ATXN7L3B: variants seen among roughly 807,000 people sequenced by gnomAD.
ATXN7L3B encodes the protein ataxin-7-like protein 3B.
In ATXN7L3B, 4 loss-of-function variants were observed where a neutral mutation model predicts 6.3. The observed-to-expected ratio is 0.63, with a 90% CI of 0.31 to 1.45. ATXN7L3B has a LOEUF of 1.45. Ranked by LOEUF, ATXN7L3B falls within the 40% of genes most tolerant of loss-of-function variation. ATXN7L3B has a pLI of 0.07. For missense variants in ATXN7L3B, 120 were observed against 118.5 expected, an observed-to-expected ratio of 1.01 and a Z score of -0.06; for synonymous variants, 63 against 48.0, an observed-to-expected ratio of 1.31 and a Z score of -1.29.
At position 74,538,301 on chromosome 12, in the gene ATXN7L3B, A is replaced by C; in HGVS notation, c.189A>C (p.Pro63=). 6.4e-7 allele frequency: 1 copy of C among 1,557,770 alleles called. No homozygotes were observed. Among genetic ancestry groups the C allele is most frequent in the Non-Finnish European group, 8.7e-7 (1 of 1,150,652 alleles). Residue 63 remains proline, a synonymous_variant, in exon 1 of 1, where the codon CCA becomes CCC. Coordinates refer to ENST00000519948, the MANE Select transcript of ATXN7L3B (RefSeq NM_001136262.2). ...TGSVKDFGIQ[P]VEDKGACRLP... is the part of the protein sequence containing the mutation. The stretch of plus-strand genomic sequence containing the variant: ...GCGTGAAGGATTTTGGCATTCAGCC[A>C]GTGGAAGACAAAGGAGCGTGCCGCC...
rs946498355 is a variant in ATXN7L3B at position 74,541,589 on chromosome 12, A to G, written c.*3183A>G. The G allele has an allele frequency of 3.3e-5, 5 of 152,402 alleles. No homozygotes were observed. The highest frequency in any genetic ancestry group is 7.3e-5 in the Non-Finnish European group (5 of 68,028). 9.4% of individuals were successfully genotyped at this position (152,402 alleles called of 1,614,324 possible). ...ACAGGAGTTTTATCAGAACAGAGAAACTGTCCAACCTTGTTTCTCAATTTG... is the reference window on the plus strand; with the variant it reads ...ACAGGAGTTTTATCAGAACAGAGAAGCTGTCCAACCTTGTTTCTCAATTTG... On this transcript the variant is annotated 3_prime_UTR_variant, in exon 1 of 1. Coordinates refer to ENST00000519948, the MANE Select transcript of ATXN7L3B (RefSeq NM_001136262.2).
At position 74,541,165 on chromosome 12, in the gene ATXN7L3B, A is replaced by G. The variant is rs1398826570; in HGVS notation, c.*2759A>G. On this transcript the variant is annotated 3_prime_UTR_variant, in exon 1 of 1. Transcript: ENST00000519948. ...GTGTGTATGTGTGTGTTATGGGGGA[A>G]GGGGGGGGTTCTTTAAAATTTCTGT... The G allele has an allele frequency of 6.0e-6, 1 of 165,898 alleles. No individual in the cohort carries two copies. The highest frequency in any genetic ancestry group is 1.5e-5 in the Non-Finnish European group (1 of 68,336). 10.3% of individuals were successfully genotyped at this position (165,898 alleles called of 1,614,324 possible). A position where few individuals can be genotyped will look rare whatever the true frequency, so the allele number is the denominator to read the frequency against.
At position 74,542,933 on chromosome 12, in the gene ATXN7L3B, A is replaced by C. The variant is rs1157297543; in HGVS notation, c.*4527A>C. On this transcript the variant is annotated 3_prime_UTR_variant, in exon 1 of 1. Coordinates refer to ENST00000519948, the MANE Select transcript of ATXN7L3B (RefSeq NM_001136262.2). ...AATTGCCAGTTTTCAAGTCAGCCAG[A>C]GATAATACCAGATTTCAGAAGTTTT... 6.6e-6 allele frequency: 1 copy of C among 152,164 alleles called. No individual in the cohort carries two copies. The highest frequency in any genetic ancestry group is 1.5e-5 in the Non-Finnish European group (1 of 67,992). The allele number at this position is 152,164 out of a possible 1,614,324, so 9.4% of individuals were successfully genotyped here.
Position 74,540,366 on chromosome 12 carries a change from G to T in ATXN7L3B, c.*1960G>T, listed in dbSNP as rs1432160231. The stretch of plus-strand genomic sequence containing the variant: ...GATTGACACACAGGGGGATGGAGTT[G>T]GTCCTTGTCCATTCTCTCACCCTTG... On this transcript the variant is annotated 3_prime_UTR_variant, in exon 1 of 1. Transcript: ENST00000519948. The T allele has an allele frequency of 1.2e-5, 2 of 167,060 alleles. No individual in the cohort carries two copies. The highest frequency in any genetic ancestry group is 2.9e-5 in the Non-Finnish European group (2 of 68,150). 10.3% of individuals were successfully genotyped at this position (167,060 alleles called of 1,614,324 possible).
chr12:74,542,245 T>C lies in ATXN7L3B; in HGVS notation c.*3839T>C, dbSNP rs1203255378. On this transcript the variant is annotated 3_prime_UTR_variant, in exon 1 of 1. Coordinates refer to ENST00000519948, the MANE Select transcript of ATXN7L3B (RefSeq NM_001136262.2). Reference sequence around the variant, plus strand: ...TGGTGATTTGAGAAAACTTAAAAATTTGACGTGTGAAACCCATGATGTAAC... The same window carrying C: ...TGGTGATTTGAGAAAACTTAAAAATCTGACGTGTGAAACCCATGATGTAAC... The C allele has an allele frequency of 6.6e-6, 1 of 152,158 alleles. No homozygotes were observed. The highest frequency in any genetic ancestry group is 1.5e-5 in the Non-Finnish European group (1 of 68,016). 9.4% of individuals were successfully genotyped at this position (152,158 alleles called of 1,614,324 possible). A position where few individuals can be genotyped will look rare whatever the true frequency, so the allele number is the denominator to read the frequency against.
rs1283639865 is a variant in ATXN7L3B, at chr12:74,543,398, C to T, written c.*4992C>T. Reference sequence around the variant, plus strand: ...ATGAAAAATCCATGATGCTTATGAACAACGTTAGGGCAATGAATTTGAAAA... The same window carrying T: ...ATGAAAAATCCATGATGCTTATGAATAACGTTAGGGCAATGAATTTGAAAA... On this transcript the variant is annotated 3_prime_UTR_variant, in exon 1 of 1. Coordinates refer to ENST00000519948, the MANE Select transcript of ATXN7L3B (RefSeq NM_001136262.2). 8 of 151,864 alleles carry T rather than the reference C, an allele frequency of 5.3e-5. No individual in the cohort carries two copies. The highest frequency in any genetic ancestry group is 5.2e-4 in the Admixed American group (8 of 15,256). 9.4% of individuals were successfully genotyped at this position (151,864 alleles called of 1,614,324 possible). A position where few individuals can be genotyped will look rare whatever the true frequency, so the allele number is the denominator to read the frequency against.
rs1868918696 is a variant in ATXN7L3B, at chr12:74,542,286, T to G, written c.*3880T>G. 1 of 152,190 alleles carries G rather than the reference T, an allele frequency of 6.6e-6. No individual in the cohort carries two copies. The highest frequency in any genetic ancestry group is 2.4e-5 in the African/African-American group (1 of 41,454). 9.4% of individuals were successfully genotyped at this position (152,190 alleles called of 1,614,324 possible). ...ATGATGTAACCATAGCAGGAGAAAT[T>G]CTTCAAATGAAATTTCACCAAGATT... On this transcript the variant is annotated 3_prime_UTR_variant, in exon 1 of 1. Transcript: ENST00000519948.
Position 74,537,874 on chromosome 12 carries a change from TCCTGGG to T in ATXN7L3B, c.-236_-231del. On this transcript the variant is annotated 5_prime_UTR_variant, in exon 1 of 1. Transcript: ENST00000519948. ...GGCGCTGAGACGGTTTGGCGGTGAG[TCCTGGG>T]CCAGGCGCAGCTGAAAGGCCCGCAA... 1 of 535,970 alleles carries T rather than the reference TCCTGGG, an allele frequency of 1.9e-6. No individual in the cohort carries two copies. The highest frequency in any genetic ancestry group is 3.2e-5 in the East Asian group (1 of 30,830). 33.2% of individuals were successfully genotyped at this position (535,970 alleles called of 1,614,324 possible).
chr12:74,545,248 A>G lies in ATXN7L3B; in HGVS notation c.*6842A>G, dbSNP rs1445795483. The G allele has an allele frequency of 6.6e-6, 1 of 152,240 alleles. No homozygotes were observed. Among genetic ancestry groups the G allele is most frequent in the Non-Finnish European group, 1.5e-5 (1 of 67,944 alleles). 9.4% of individuals were successfully genotyped at this position (152,240 alleles called of 1,614,324 possible). On this transcript the variant is annotated 3_prime_UTR_variant, in exon 1 of 1. Transcript: ENST00000519948. Reference sequence around the variant, plus strand: ...GGGAAAAATTGAAAGTAATATACCCATTTGGAATACATATAGTCACTATAC... The same window carrying G: ...GGGAAAAATTGAAAGTAATATACCCGTTTGGAATACATATAGTCACTATAC...
At position 74,545,341 on chromosome 12, in the gene ATXN7L3B, G is replaced by A. The variant is rs993795855; in HGVS notation, c.*6935G>A. The A allele has an allele frequency of 3.9e-5, 6 of 152,006 alleles. No individual in the cohort carries two copies. The highest frequency in any genetic ancestry group is 1.4e-4 in the African/African-American group (6 of 41,422). The allele number at this position is 152,006 out of a possible 1,614,324, so 9.4% of individuals were successfully genotyped here. On this transcript the variant is annotated 3_prime_UTR_variant, in exon 1 of 1. Coordinates refer to ENST00000519948, the MANE Select transcript of ATXN7L3B (RefSeq NM_001136262.2). ...TAAACCTATGTTCTTATACTTTGTT[G>A]CCTTTCTTTTGATGTTTAACAATAG...
Position 74,538,159 on chromosome 12 carries a change from C to A in ATXN7L3B, c.47C>A (p.Ala16Asp). 6.3e-7 allele frequency: 1 copy of A among 1,583,068 alleles called. No homozygotes were observed. Among genetic ancestry groups the A allele is most frequent in the South Asian group, 1.2e-5 (1 of 86,472 alleles). ...LANLDTNKLE[A>D]IAQEIYVDLI... ...AACCTGGATACTAACAAGCTAGAGG[C>A]CATCGCTCAGGAGATTTACGTAGAC... Residue 16 changes from alanine to aspartate, a missense_variant, in exon 1 of 1, where the codon GCC becomes GAC. Ala to Asp is a moderately radical substitution (Grantham distance 126). Transcript: ENST00000519948.
rs1868969701 is a variant in ATXN7L3B at position 74,544,278 on chromosome 12, G to A, written c.*5872G>A. ...AATCCCAAGTAAATGGAGAGAAGATGTTCACGCACAGAAAATGCAATCAAT... is the reference window on the plus strand; with the variant it reads ...AATCCCAAGTAAATGGAGAGAAGATATTCACGCACAGAAAATGCAATCAAT... On this transcript the variant is annotated 3_prime_UTR_variant, in exon 1 of 1. Transcript: ENST00000519948. The A allele has an allele frequency of 6.7e-6, 1 of 148,470 alleles. No homozygotes were observed. The highest frequency in any genetic ancestry group is 2.5e-5 in the African/African-American group (1 of 40,328). The allele number at this position is 148,470 out of a possible 1,614,324, so 9.2% of individuals were successfully genotyped here.
At position 74,540,353 on chromosome 12, in the gene ATXN7L3B, G is replaced by C. The variant is rs191637973; in HGVS notation, c.*1947G>C. ...AGCAGTAAAGGCTGATTGACACACA[G>C]GGGGATGGAGTTGGTCCTTGTCCAT... On this transcript the variant is annotated 3_prime_UTR_variant, in exon 1 of 1. Transcript: ENST00000519948. 9.0e-3 allele frequency: 1,507 copies of C among 167,176 alleles called. 43 individuals are homozygous for C. The highest frequency in any genetic ancestry group is 6.8e-3 in the Non-Finnish European group (466 of 68,134). 10.4% of individuals were successfully genotyped at this position (167,176 alleles called of 1,614,324 possible). A position where few individuals can be genotyped will look rare whatever the true frequency, so the allele number is the denominator to read the frequency against.
rs1565676141 is a variant in ATXN7L3B, at chr12:74,539,719, C to T, written c.*1313C>T. 3 of 167,084 alleles carry T rather than the reference C, an allele frequency of 1.8e-5. No homozygotes were observed. The highest frequency in any genetic ancestry group is 2.9e-5 in the Non-Finnish European group (2 of 68,142). 10.4% of individuals were successfully genotyped at this position (167,084 alleles called of 1,614,324 possible). ...GTCAGAGAAAGACCTCCAGAATCTCCTGACTTTAGGGAATGGTATAGGGGA... is the reference window on the plus strand; with the variant it reads ...GTCAGAGAAAGACCTCCAGAATCTCTTGACTTTAGGGAATGGTATAGGGGA... On this transcript the variant is annotated 3_prime_UTR_variant, in exon 1 of 1. Transcript: ENST00000519948.
rs1868812180 is a variant in ATXN7L3B at position 74,539,107 on chromosome 12, A to G, written c.*701A>G. The G allele has an allele frequency of 6.0e-6, 1 of 167,152 alleles. No individual in the cohort carries two copies. The highest frequency in any genetic ancestry group is 2.4e-5 in the African/African-American group (1 of 41,436). The allele number at this position is 167,152 out of a possible 1,614,324, so 10.4% of individuals were successfully genotyped here. On this transcript the variant is annotated 3_prime_UTR_variant, in exon 1 of 1. Coordinates refer to ENST00000519948, the MANE Select transcript of ATXN7L3B (RefSeq NM_001136262.2). ...GCAGAGCCCTCTTCCTTGCCCTCCA[A>G]CCTGGTGGCATAGGCTTGGCAAATG...
In ATXN7L3B at chr12:74,544,244, T is replaced by A. The variant is rs1422304466; in HGVS notation, c.*5838T>A. On this transcript the variant is annotated 3_prime_UTR_variant, in exon 1 of 1. Coordinates refer to ENST00000519948, the MANE Select transcript of ATXN7L3B (RefSeq NM_001136262.2). Reference sequence around the variant, plus strand: ...ATAAAGAAAATAATATTTTCTAATATGTTGGGAAAATCCCAAGTAAATGGA... The same window carrying A: ...ATAAAGAAAATAATATTTTCTAATAAGTTGGGAAAATCCCAAGTAAATGGA... 6.6e-6 allele frequency: 1 copy of A among 152,030 alleles called. No homozygotes were observed. Among genetic ancestry groups the A allele is most frequent in the Non-Finnish European group, 1.5e-5 (1 of 67,868 alleles). 9.4% of individuals were successfully genotyped at this position (152,030 alleles called of 1,614,324 possible).
In ATXN7L3B at chr12:74,543,192, C is replaced by T. The variant is rs1868939730; in HGVS notation, c.*4786C>T. 6.6e-6 allele frequency: 1 copy of T among 151,878 alleles called. No homozygotes were observed. The highest frequency in any genetic ancestry group is 6.6e-5 in the Admixed American group (1 of 15,250). 9.4% of individuals were successfully genotyped at this position (151,878 alleles called of 1,614,324 possible). On this transcript the variant is annotated 3_prime_UTR_variant, in exon 1 of 1. Coordinates refer to ENST00000519948, the MANE Select transcript of ATXN7L3B (RefSeq NM_001136262.2). ...AAATATGTGAGCTAAAAAGGAAATA[C>T]TAAATTGATTTTAGAGATGAAAAAA...
chr12:74,538,290 G>A lies in ATXN7L3B; in HGVS notation c.178G>A (p.Gly60Ser). Reference sequence around the variant, plus strand: ...AGAGACTGGTAGCGTGAAGGATTTTGGCATTCAGCCAGTGGAAGACAAAGG... The same window carrying A: ...AGAGACTGGTAGCGTGAAGGATTTTAGCATTCAGCCAGTGGAAGACAAAGG... ...FAETGSVKDFGIQPVEDKGAC... is the reference protein window; with the variant it reads ...FAETGSVKDFSIQPVEDKGAC... The change falls in exon 1 of 1, where the codon GGC becomes AGC. Residue 60 changes from glycine (G) to serine (S), a missense_variant. Gly to Ser is a moderately conservative substitution (Grantham distance 56). Coordinates refer to ENST00000519948, the MANE Select transcript of ATXN7L3B (RefSeq NM_001136262.2). 3 of 1,562,582 alleles carry A rather than the reference G, an allele frequency of 1.9e-6. No individual in the cohort carries two copies. Among genetic ancestry groups the A allele is most frequent in the Non-Finnish European group, 2.6e-6 (3 of 1,153,510 alleles).
rs1314669009 is a variant in ATXN7L3B at position 74,539,666 on chromosome 12, A to C, written c.*1260A>C. Reference sequence around the variant, plus strand: ...TCGGTCCCCTTTGGATCTTCTTGACAACAGGAGCAGTCCTTTTATTGTTAG... The same window carrying C: ...TCGGTCCCCTTTGGATCTTCTTGACCACAGGAGCAGTCCTTTTATTGTTAG... On this transcript the variant is annotated 3_prime_UTR_variant, in exon 1 of 1. Coordinates refer to ENST00000519948, the MANE Select transcript of ATXN7L3B (RefSeq NM_001136262.2). 6.0e-6 allele frequency: 1 copy of C among 167,116 alleles called. No individual in the cohort carries two copies. The highest frequency in any genetic ancestry group is 1.5e-5 in the Non-Finnish European group (1 of 68,134). The allele number at this position is 167,116 out of a possible 1,614,324, so 10.4% of individuals were successfully genotyped here.
Sources: allele counts gnomAD v4.1 joint callset, GRCh38; gene constraint gnomAD v4.1.1; transcripts MANE v1.5; gene names NCBI Gene and HGNC (gene_info 2026-07-23, HGNC 2026-07-21).